CCDC88A: variants seen among roughly 807,000 people sequenced by gnomAD.
CCDC88A encodes the protein coiled-coil and HOOK domain protein 88A.
A neutral mutation model predicts 234.3 loss-of-function variants in CCDC88A; 54 were observed. That is an observed-to-expected ratio of 0.23 (90% CI 0.19 to 0.29). The LOEUF (loss-of-function observed/expected upper bound fraction) is 0.29. Among genes scored for constraint, CCDC88A ranks in the 10% least tolerant of loss-of-function variants. The pLI is 1.00. For missense variants in CCDC88A, 1,832 were observed against 2,123.4 expected (o/e 0.86, Z 2.70); for synonymous variants, 753 against 737.8 (o/e 1.02, Z -0.33).
intron 6 of CCDC88A, chr2:55,363,572 A>T (rs1574289720): frequency 6.3e-6 from 1 of 157,772 alleles, no homozygotes; most frequent in Non-Finnish European, 1.4e-5. Flanking sequence ...TATTCTTTCA[A>T]AAGAAAATCA....
At chr2:55,410,128 A>G (rs1680234745) in intron 2 of CCDC88A, among the ~76,000 whole-genome samples, 1 of 152,122 alleles carries the variant, frequency 6.6e-6, no homozygotes, top group Admixed American at 6.6e-5. Flanking sequence ...GAAGGCCCAC[A>G]CAGGCCTCTT....
chr2:55,400,755 T>C (rs1678474215), intron 2 of CCDC88A, among the ~76,000 whole-genome samples: 1 of 152,214 alleles, frequency 6.6e-6, no homozygotes, highest in African/African-American at 2.4e-5. Flanking sequence ...CTCCAGAATG[T>C]AAACCTGTTG....
rs756983841 is a variant in CCDC88A, at chr2:55,296,036, C to G, written c.5112G>C (p.Glu1704Asp). ...TTTTCATTACTTCATCTAAAAGATTCTCTTGACTTGAGGACTTTATCTGTT... is the reference window on the plus strand; with the variant it reads ...TTTTCATTACTTCATCTAAAAGATTGTCTTGACTTGAGGACTTTATCTGTT... ...TSVQIKSSSQENLLDEVMKSL... is the reference protein window; with the variant it reads ...TSVQIKSSSQDNLLDEVMKSL... Residue 1704 changes from glutamate (E) to aspartate (D), a missense_variant, in exon 31 of 33, where the codon GAG becomes GAC. Transcript: ENST00000436346. 18 of 1,602,694 alleles carry G rather than the reference C, an allele frequency of 1.1e-5. No homozygotes were observed. Among genetic ancestry groups the G allele is most frequent in the Non-Finnish European group, 1.5e-5 (18 of 1,176,990 alleles).
At chr2:55,322,452 G>GT in intron 18 of CCDC88A, 76 bp downstream of exon 18, 1 of 808,504 alleles carries the variant, frequency 1.2e-6, no homozygotes, top group Non-Finnish European at 1.9e-6. Flanking sequence ...ATTAGAAAAT[G>GT]TATCTAAGAT....
In CCDC88A at chr2:55,332,349, C is replaced by T. The variant is rs989103537; in HGVS notation, c.2855+217G>A. ...GTTGGTCAGGCTGATCTCGAACTCC[C>T]GACCTCAGGTGATCCGCCCGCTTCA... On this transcript the variant is annotated intron_variant, in intron 16 of 32. Transcript: ENST00000436346. The surrounding 1 kb of genome is among the most constrained non-coding windows in gnomAD (Gnocchi z 4.5). The T allele has an allele frequency of 5.2e-5, 28 of 537,572 alleles. No homozygotes were observed. The highest frequency in any genetic ancestry group is 6.4e-5 in the Non-Finnish European group (25 of 390,058). The allele number at this position is 537,572 out of a possible 1,614,324, so 33.3% of individuals were successfully genotyped here.
At chr2:55,367,477 T>A (rs1219998056) in intron 5 of CCDC88A, among the ~76,000 whole-genome samples, 1 of 150,858 alleles carries the variant, frequency 6.6e-6, no homozygotes, top group Non-Finnish European at 1.5e-5. Flanking sequence ...TTTGTATTTT[T>A]AAATATTCTC....
At chr2:55,401,557 T>TC (rs372858491) in intron 2 of CCDC88A, among the ~76,000 whole-genome samples, 4 of 88,600 alleles carry the variant, frequency 4.5e-5, no homozygotes, top group African/African-American at 7.7e-5. Flanking sequence ...ACTTAATTTC[T>TC]CCCCCCCATA....
chr2:55,296,345 A>G lies in CCDC88A; in HGVS notation c.5004T>C (p.His1668=). 6.2e-7 allele frequency: 1 copy of G among 1,614,178 alleles called. No homozygotes were observed. Among genetic ancestry groups the G allele is most frequent in the Non-Finnish European group, 8.5e-7 (1 of 1,180,024 alleles). ...HKISETLESR[H]HKIKTGSPGS... ...CAGGGGAACCAGTTTTGATCTTGTG[A>G]TGTCGACTCTCCAGTGTTTCAGATA... Residue 1668 remains histidine, a synonymous_variant, in exon 30 of 33, where the codon CAT becomes CAC. Coordinates refer to ENST00000436346, the MANE Select transcript of CCDC88A (RefSeq NM_001365480.1).
chr2:55,366,617 A>G (rs1672010872), intron 5 of CCDC88A, among the ~76,000 whole-genome samples: 1 of 151,962 alleles, frequency 6.6e-6, no homozygotes, highest in African/African-American at 2.4e-5. Flanking sequence ...AAAAAGCAAA[A>G]AAAGTGATTA....
intron 31 of CCDC88A, chr2:55,295,353 G>T: frequency 6.6e-7 from 1 of 1,524,510 alleles, no homozygotes; most frequent in Non-Finnish European, 8.8e-7. Context: ...GAATGGCTGA[G>T]ATGAATGGGC....
intron 10 of CCDC88A, chr2:55,345,861 GAA>G (rs973655810): frequency 1.1e-5 from 2 of 187,236 alleles, no homozygotes; most frequent in African/African-American, 2.3e-5. Flanking sequence ...TTCACTTTTG[GAA>G]AAAAGTCTGA....
At chr2:55,398,268 C>A (rs373694016) in intron 2 of CCDC88A, among the ~76,000 whole-genome samples, 221 of 152,290 alleles carry the variant, frequency 1.5e-3, no homozygotes, top group African/African-American at 5.1e-3. Flanking sequence ...GCACCCCAAA[C>A]CTCTATCTGT....
At chr2:55,377,490 T>A (rs1297471183) in intron 3 of CCDC88A, among the ~76,000 whole-genome samples, 1 of 151,894 alleles carries the variant, frequency 6.6e-6, no homozygotes, top group Non-Finnish European at 1.5e-5. Context: ...ATAAGAGAGC[T>A]GTATTTTCTT....
chr2:55,328,142 C>A lies in CCDC88A; in HGVS notation c.2997+152G>T. ...TATACCATATTCATATGACAGAGAT[C>A]TGTTTAAGAATATTCTCAAGTTTAT... On this transcript the variant is annotated intron_variant, in intron 17 of 32. Transcript: ENST00000436346. The surrounding 1 kb of genome is among the most constrained non-coding windows in gnomAD (Gnocchi z 4.3). 1 of 624,366 alleles carries A rather than the reference C, an allele frequency of 1.6e-6. No homozygotes were observed. The highest frequency in any genetic ancestry group is 2.7e-6 in the Non-Finnish European group (1 of 371,946). 38.7% of individuals were successfully genotyped at this position (624,366 alleles called of 1,614,324 possible).
At chr2:55,352,844 A>T (rs1670068620) in intron 8 of CCDC88A, among the ~76,000 whole-genome samples, 1 of 152,128 alleles carries the variant, frequency 6.6e-6, no homozygotes, top group Non-Finnish European at 1.5e-5. Context: ...TCTGATTGTA[A>T]TTACTTATTG....
chr2:55,363,682 T>C, intron 6 of CCDC88A: 1 of 269,736 alleles, frequency 3.7e-6, no homozygotes, highest in East Asian at 6.4e-5. Context: ...TGTAATCCAT[T>C]CTAACAAAGA....
intron 2 of CCDC88A, among the ~76,000 whole-genome samples, chr2:55,402,394 C>T (rs919689848): frequency 2.0e-5 from 3 of 152,064 alleles, no homozygotes; most frequent in African/African-American, 4.8e-5. Context: ...AATATGACCG[C>T]ACACAAGTAT....
At chr2:55,326,222 G>T (rs1303851242) in intron 17 of CCDC88A, among the ~76,000 whole-genome samples, 2 of 150,082 alleles carry the variant, frequency 1.3e-5, no homozygotes, top group Admixed American at 6.6e-5. Context: ...TCCCTATGTT[G>T]CCCAGGCTGG....
intron 2 of CCDC88A, chr2:55,394,183 G>C (rs1318787666): frequency 6.6e-6 from 1 of 152,114 alleles, no homozygotes; most frequent in African/African-American, 2.4e-5. Context: ...GCGGTGTTTG[G>C]TTTTTTGTCC....
Sources: allele counts gnomAD v4.1 joint callset (sites outside exome capture counted in the v4.1 genomes callset), GRCh38; gene constraint gnomAD v4.1.1; non-coding constraint Gnocchi (gnomAD v3.1); transcripts MANE v1.5; gene names NCBI Gene and HGNC (gene_info 2026-07-23, HGNC 2026-07-21).